Variants in SORBS2 observed in about 807,000 individuals in gnomAD.
SORBS2 encodes the protein sorbin and SH3 domain-containing protein 2.
Under a neutral mutation model 97.7 loss-of-function variants are expected in SORBS2, and 46 were observed. The observed-to-expected ratio is 0.47, with a 90% CI of 0.37 to 0.60. The LOEUF is 0.60. SORBS2 is among the 20% of genes least tolerant of loss of function. SORBS2 has a pLI of 0.00. For missense variants in SORBS2, 1,316 were observed against 1,282.3 expected (o/e 1.03, Z -0.40); for synonymous variants, 476 against 473.4 (o/e 1.01, Z -0.07).
At chr4:185,906,992 A>G (rs4862590) in intron 1 of SORBS2, among the ~76,000 whole-genome samples, 112,366 of 151,978 alleles carry the variant, frequency 0.74, 41,629 homozygotes, top group Middle Eastern at 0.85. Context: ...AGAAATTAGC[A>G]GGGTGTGGTG....
At chr4:185,864,387 T>C (rs551130523) in intron 1 of SORBS2, among the ~76,000 whole-genome samples, 4 of 152,374 alleles carry the variant, frequency 2.6e-5, no homozygotes, top group South Asian at 2.1e-4. Context: ...GCTCCGTTTA[T>C]TACTTGTACA....
intron 2 of SORBS2, among the ~76,000 whole-genome samples, chr4:185,741,749 A>T (rs1420503362): frequency 6.6e-6 from 1 of 152,116 alleles, no homozygotes; most frequent in Admixed American, 6.5e-5. Flanking sequence ...ATTAAAATAC[A>T]TTTAAAAAAA....
chr4:185,807,242 A>T (rs375140359), intron 1 of SORBS2, among the ~76,000 whole-genome samples: 2 of 152,180 alleles, frequency 1.3e-5, no homozygotes, highest in African/African-American at 2.4e-5. Flanking sequence ...TAATGAGAAC[A>T]TTACCAGGCC....
intron 4 of SORBS2, among the ~76,000 whole-genome samples, chr4:185,676,143 C>G (rs1450315736): frequency 1.3e-5 from 2 of 152,194 alleles, no homozygotes; most frequent in African/African-American, 4.8e-5. Flanking sequence ...AGTGCTTGCT[C>G]TAGCCTAGTC....
At chr4:185,659,170 A>G (rs1380225147), upstream of SORBS2, among the ~76,000 whole-genome samples, 1 of 152,156 alleles carries the variant, frequency 6.6e-6, no homozygotes, top group African/African-American at 2.4e-5. Context: ...ACATTTTTTG[A>G]TGAAGAATGG....
intron 2 of SORBS2, among the ~76,000 whole-genome samples, chr4:185,739,398 T>C (rs2098708581): frequency 6.6e-6 from 1 of 152,264 alleles, no homozygotes; most frequent in Admixed American, 6.5e-5. Context: ...GTGGAATTAA[T>C]ATGCTACAGA....
Position 185,617,470 on chromosome 4 carries a change from T to G in SORBS2, c.2351+1115A>C, listed in dbSNP as rs113336394. Reference sequence around the variant, plus strand: ...TATATGTCTTCTGCCAGAGACAGTTTCTAGAGCTATTAACTCATATTATAT... The same window carrying G: ...TATATGTCTTCTGCCAGAGACAGTTGCTAGAGCTATTAACTCATATTATAT... On this transcript the variant is annotated intron_variant, in intron 9 of 14. Transcript: ENST00000418609. 7.2e-3 allele frequency among the ~76,000 whole-genome samples: 1,089 copies of G among 152,278 alleles called. 12 individuals carry two copies. Among genetic ancestry groups the G allele is most frequent in the African/African-American group, 0.024 (993 of 41,532 alleles).
chr4:185,904,454 G>A (rs541516394), intron 1 of SORBS2, among the ~76,000 whole-genome samples: 10 of 152,278 alleles, frequency 6.6e-5, no homozygotes, highest in Non-Finnish European at 1.3e-4. Flanking sequence ...GGACTGTGGA[G>A]AGACACCTGC....
chr4:185,816,217 C>T (rs1317899506), intron 1 of SORBS2, among the ~76,000 whole-genome samples: 1 of 152,092 alleles, frequency 6.6e-6, no homozygotes, highest in East Asian at 1.9e-4. Flanking sequence ...CTTAATTCAA[C>T]AAAATCATCA....
At chr4:185,936,419 C>T (rs962475210) in intron 1 of SORBS2, among the ~76,000 whole-genome samples, 4 of 152,206 alleles carry the variant, frequency 2.6e-5, no homozygotes, top group East Asian at 1.9e-4. Flanking sequence ...GGTACTGAAA[C>T]CATCAATTAC....
intron 2 of SORBS2, among the ~76,000 whole-genome samples, chr4:185,702,217 C>T (rs1019283493): frequency 5.3e-5 from 8 of 152,098 alleles, no homozygotes; most frequent in South Asian, 2.1e-4. Context: ...GCAGCCTGCA[C>T]GGGACGCATG....
At chr4:185,760,098 C>T (rs562720094) in intron 2 of SORBS2, among the ~76,000 whole-genome samples, 2 of 152,318 alleles carry the variant, frequency 1.3e-5, no homozygotes, top group South Asian at 2.1e-4. Context: ...AACAGATTCT[C>T]GTTCTCCATC....
intron 1 of SORBS2, among the ~76,000 whole-genome samples, chr4:185,951,151 T>TCA (rs2099277045): frequency 6.6e-6 from 1 of 152,170 alleles, no homozygotes; most frequent in South Asian, 2.1e-4. Flanking sequence ...GGATTTAGAA[T>TCA]CACACGGTCC....
intron 11 of SORBS2, among the ~76,000 whole-genome samples, chr4:185,614,023 C>G (rs1437767371): frequency 6.6e-6 from 1 of 152,164 alleles, no homozygotes; most frequent in Non-Finnish European, 1.5e-5. Flanking sequence ...ATATTACTAC[C>G]TCGCCTGTGT....
In SORBS2 at chr4:185,609,475, A is replaced by G. The variant is rs76954586; in HGVS notation, c.2796+2305T>C. On this transcript the variant is annotated intron_variant, in intron 12 of 14. Transcript: ENST00000418609. Reference sequence around the variant, plus strand: ...TGCCGTCACCACCACAGTCACCGAAATACATGTCAGCAGGTTAAACTGCTT... The same window carrying G: ...TGCCGTCACCACCACAGTCACCGAAGTACATGTCAGCAGGTTAAACTGCTT... Among the ~76,000 whole-genome samples the G allele has an allele frequency of 8.5e-3, 1,294 of 152,292 alleles. 17 individuals are homozygous for G. The highest frequency in any genetic ancestry group is 0.03 in the African/African-American group (1,256 of 41,546).
At position 185,684,706 on chromosome 4, in the gene SORBS2, G is replaced by A. The variant is rs1173234759; in HGVS notation, c.-197-5884C>T. On this transcript the variant is annotated intron_variant, in intron 2 of 20. Transcript: ENST00000284776. The surrounding 1 kb of genome is among the most constrained non-coding windows in gnomAD (Gnocchi z 4.2). ...GTTTAGAACAAAAACAGTCAGAAGAGCTAGAAGCCATTCAAGTGCGACATT... is the reference window on the plus strand; with the variant it reads ...GTTTAGAACAAAAACAGTCAGAAGAACTAGAAGCCATTCAAGTGCGACATT... 3 of 1,289,860 alleles carry A rather than the reference G, an allele frequency of 2.3e-6. No homozygotes were observed. The highest frequency in any genetic ancestry group is 5.0e-5 in the East Asian group (2 of 39,608). The allele number at this position is 1,289,860 out of a possible 1,614,324, so 79.9% of individuals were successfully genotyped here.
At chr4:185,803,715 G>A (rs79023891) in intron 1 of SORBS2, among the ~76,000 whole-genome samples, 4 of 152,096 alleles carry the variant, frequency 2.6e-5, no homozygotes, top group Non-Finnish European at 4.4e-5. Context: ...TATTAGTCCT[G>A]TAAAATTAAA....
At chr4:185,668,112 C>T (rs553076849) in intron 4 of SORBS2, among the ~76,000 whole-genome samples, 10 of 152,202 alleles carry the variant, frequency 6.6e-5, no homozygotes, top group African/African-American at 1.7e-4. Flanking sequence ...GAGACTTTTC[C>T]CTTTCAAATT....
At chr4:185,884,961 AATTGATAC>A (rs1412986577) in intron 1 of SORBS2, among the ~76,000 whole-genome samples, 1 of 152,208 alleles carries the variant, frequency 6.6e-6, no homozygotes, top group African/African-American at 2.4e-5. Flanking sequence ...GCACGGCATA[AATTGATAC>A]ATGAAATCCA....
Sources: gnomAD v4.1 joint callset for allele counts (sites outside exome capture counted in the v4.1 genomes callset) on GRCh38, gnomAD v4.1.1 for gene constraint, Gnocchi (gnomAD v3.1) non-coding constraint, MANE v1.5 for transcripts, NCBI Gene and HGNC (gene_info 2026-07-23, HGNC 2026-07-21) for gene names.